The following ZSWIM2 variants were observed in gnomAD, a reference collection of about 807,000 sequenced individuals.
The protein encoded by ZSWIM2 is E3 ubiquitin-protein ligase ZSWIM2.
Under a neutral mutation model 48.4 loss-of-function variants are expected in ZSWIM2, and 38 were observed. That is an observed-to-expected ratio of 0.79 (90% confidence interval 0.61 to 1.03). The LOEUF (loss-of-function observed/expected upper bound fraction) is 1.03. ZSWIM2 is among the 50% of genes least tolerant of loss of function. The pLI is 0.00. For missense variants in ZSWIM2, 776 were observed against 730.2 expected, an observed-to-expected ratio of 1.06 and a Z score of -0.72; for synonymous variants, 240 against 251.3, an observed-to-expected ratio of 0.96 and a Z score of 0.42.
intron 1 of ZSWIM2, 54 bp from the exon 2 acceptor site, chr2:186,847,849 C>A (rs1199285060): frequency 2.3e-6 from 3 of 1,306,442 alleles, no homozygotes; most frequent in South Asian, 1.3e-5. Context: ...AGAGTTAGAG[C>A]AAAACTGAGT....
Position 186,827,558 on chromosome 2 carries a change from T to G in ZSWIM2, c.*426A>C, listed in dbSNP as rs7600876. ...CCTTTATGGAGTTTTTTAAGGTTTT[T>G]TTTTATAGGTTTGTGGTAATTACTA... On this transcript the variant is annotated 3_prime_UTR_variant, in exon 9 of 9. Transcript: ENST00000295131. Among the ~76,000 whole-genome samples, 2,908 of 151,946 alleles carry G rather than the reference T, an allele frequency of 0.019. 89 individuals are homozygous for G. Among genetic ancestry groups the G allele is most frequent in the African/African-American group, 0.066 (2,754 of 41,516 alleles).
At chr2:186,833,778 G>A (rs928341141) in intron 6 of ZSWIM2, among the ~76,000 whole-genome samples, 168 bp downstream of exon 6, 1 of 152,070 alleles carries the variant, frequency 6.6e-6, no homozygotes, top group Non-Finnish European at 1.5e-5. Flanking sequence ...TGGTTGCTTT[G>A]TGCATCCTTA....
chr2:186,828,736 T>C lies in ZSWIM2; in HGVS notation c.1150A>G (p.Ile384Val), dbSNP rs750130639. 32 of 1,606,850 alleles carry C rather than the reference T, an allele frequency of 2.0e-5. No homozygotes were observed. The highest frequency in any genetic ancestry group is 2.3e-5 in the Non-Finnish European group (27 of 1,177,168). Reference protein sequence around the residue: ...WLFHKCNSCPIDGQVIYNPLT... With the variant: ...WLFHKCNSCPVDGQVIYNPLT... ...GGGTTATATATAACTTGTCCATCAATAGGGCATGAATTGCACTTGTGGAAT... is the reference window on the plus strand; with the variant it reads ...GGGTTATATATAACTTGTCCATCAACAGGGCATGAATTGCACTTGTGGAAT... Residue 384 changes from isoleucine to valine, a missense_variant, in exon 9 of 9, where the codon ATT becomes GTT. By Grantham distance (29) the Ile-to-Val change is conservative. Coordinates refer to ENST00000295131, the MANE Select transcript of ZSWIM2 (RefSeq NM_182521.3).
chr2:186,838,791 T>TTA (rs971388931), intron 4 of ZSWIM2, among the ~76,000 whole-genome samples, 168 bp downstream of exon 4: 4 of 146,070 alleles, frequency 2.7e-5, no homozygotes, highest in African/African-American at 1.0e-4. Context: ...ATTATATATA[T>TTA]TATATATATG....
Position 186,833,979 on chromosome 2 carries a change from G to A in ZSWIM2, c.795C>T (p.Cys265=). ...ATGTAAACGTGTGGGAAAGATGGCA[G>A]CAGCTATCAAAACATTCCTGGCATA... ...YHLCQECFDS[C]CHLSHTFTFR... The change falls in exon 6 of 9, where the codon TGC becomes TGT. Residue 265 remains cysteine, a synonymous_variant. Transcript: ENST00000295131. 1.2e-6 allele frequency: 2 copies of A among 1,613,304 alleles called. No homozygotes were observed. The highest frequency in any genetic ancestry group is 1.7e-5 in the Admixed American group (1 of 59,954).
At chr2:186,837,271 A>G (rs756822284) in intron 5 of ZSWIM2, 35 bp downstream of exon 5, 17 of 1,600,770 alleles carry the variant, frequency 1.1e-5, no homozygotes, top group Admixed American at 1.7e-5. Flanking sequence ...AAAATAAAAA[A>G]GAACACATGC....
chr2:186,830,986 C>T (rs1214803565), intron 7 of ZSWIM2, among the ~76,000 whole-genome samples: 1 of 152,056 alleles, frequency 6.6e-6, no homozygotes, highest in Non-Finnish European at 1.5e-5. Flanking sequence ...TACCAGGGTC[C>T]TCTAATTTCA....
Position 186,839,350 on chromosome 2 carries a change from G to A in ZSWIM2, c.284-181C>T, listed in dbSNP as rs535618880. Reference sequence around the variant, plus strand: ...TTCAGAGCCAAAATGTCAGAAAAGAGTCATTTAAAAAAATATAAAAATTAT... The same window carrying A: ...TTCAGAGCCAAAATGTCAGAAAAGAATCATTTAAAAAAATATAAAAATTAT... On this transcript the variant is annotated intron_variant, in intron 3 of 8. Transcript: ENST00000295131. Among the ~76,000 whole-genome samples the A allele has an allele frequency of 2.6e-5, 4 of 151,576 alleles. No individual in the cohort carries two copies. In the East Asian group the frequency reaches 7.7e-4, roughly 29 times the overall value.
intron 4 of ZSWIM2, among the ~76,000 whole-genome samples, 193 bp downstream of exon 4, chr2:186,838,766 T>G (rs1173948278): frequency 6.9e-6 from 1 of 145,946 alleles, no homozygotes; most frequent in African/African-American, 2.5e-5. Context: ...TTGTAATATA[T>G]TATAATATAT....
At position 186,849,161 on chromosome 2, in the gene ZSWIM2, T is replaced by C. The variant is rs559933199; in HGVS notation, c.-31A>G. On this transcript the variant is annotated 5_prime_UTR_variant, in exon 1 of 9. Transcript: ENST00000295131. ...GTGCGGGCGGAGGCGGCCCCTCTGC[T>C]CGGCTCACTGAGGCGCCAGCCGGTC... 3.2e-6 allele frequency: 5 copies of C among 1,584,116 alleles called. No homozygotes were observed. The African/African-American group carries it at 5.4e-5, about 17-fold the overall frequency.
At chr2:186,840,040 G>C (rs1245184527) in intron 3 of ZSWIM2, among the ~76,000 whole-genome samples, 1 of 2,438 alleles carries the variant, frequency 4.1e-4, no homozygotes, top group Non-Finnish European at 1.7e-3. Flanking sequence ...TGTTTTTCTG[G>C]AAAGACCCCC....
rs201343857 is a variant in ZSWIM2, at chr2:186,828,577, T to C, written c.1309A>G (p.Arg437Gly). Residue 437 changes from arginine to glycine, a missense_variant, in exon 9 of 9, where the codon AGA becomes GGA. Transcript: ENST00000295131. ...GGTATGCTAGGTAAAATTCCAAGTC[T>C]ATTTTGTTTTAAGACTAATCCAGTA... ...PGTGLVLKQN[R>G]LGILPSIPQC... The C allele has an allele frequency of 9.6e-5, 155 of 1,612,950 alleles. No homozygotes were observed. Among genetic ancestry groups the C allele is most frequent in the Admixed American group, 2.3e-4 (14 of 59,888 alleles).
intron 8 of ZSWIM2, among the ~76,000 whole-genome samples, chr2:186,829,030 T>C (rs1169301555): frequency 1.3e-5 from 2 of 152,144 alleles, no homozygotes; most frequent in Non-Finnish European, 2.9e-5. Flanking sequence ...GCATTTGTAA[T>C]TTTGTTAAAA....
At chr2:186,848,894 T>C (rs769086259) in intron 1 of ZSWIM2, 72 bp downstream of exon 1, 5 of 1,584,500 alleles carry the variant, frequency 3.2e-6, no homozygotes. Flanking sequence ...GCTACGCACA[T>C]TGGGTATGCC....
At chr2:186,836,787 ATGTTTT>A (rs1295730839) in intron 5 of ZSWIM2, among the ~76,000 whole-genome samples, 1 of 152,102 alleles carries the variant, frequency 6.6e-6, no homozygotes, top group Non-Finnish European at 1.5e-5. Context: ...AATAATTACT[ATGTTTT>A]TGTAGTTGTT....
rs1194372046 is a variant in ZSWIM2 at position 186,837,375 on chromosome 2, C to G, written c.674G>C (p.Arg225Thr). ...SKLVAAAEKE[R>T]LDKHLGIPCN... ...GGGAATCCCAAGGTGTTTGTCCAGTCTCTCTTTTTCTGCTGCAGCTACTAG... is the reference window on the plus strand; with the variant it reads ...GGGAATCCCAAGGTGTTTGTCCAGTGTCTCTTTTTCTGCTGCAGCTACTAG... Residue 225 changes from arginine (R) to threonine (T), a missense_variant, in exon 5 of 9, where the codon AGA becomes ACA. By Grantham distance (71) the Arg-to-Thr change is moderately conservative. Transcript: ENST00000295131. 2 of 1,612,956 alleles carry G rather than the reference C, an allele frequency of 1.2e-6. No individual in the cohort carries two copies. Among genetic ancestry groups the G allele is most frequent in the Non-Finnish European group, 1.7e-6 (2 of 1,179,362 alleles).
In ZSWIM2 at chr2:186,839,136, A is replaced by C. The variant is rs771494798; in HGVS notation, c.317T>G (p.Ile106Arg). ...ATGTATCCCCCGAAGCAAGTCACTT[A>C]TCTCTCTTTCTCCAAGACCCAGTTG... ...ALQLGLGERE[I>R]SDLLRGIHRV... is the part of the protein sequence containing the mutation. The change falls in exon 4 of 9, where the codon ATA (isoleucine) becomes AGA (arginine). Residue 106 changes from isoleucine (I) to arginine (R), a missense_variant. Coordinates refer to ENST00000295131, the MANE Select transcript of ZSWIM2 (RefSeq NM_182521.3). The C allele has an allele frequency of 5.0e-6, 8 of 1,611,438 alleles. No individual in the cohort carries two copies. Among genetic ancestry groups the C allele is most frequent in the African/African-American group, 2.7e-5 (2 of 74,756 alleles).
At chr2:186,837,616 A>G (rs1246002789) in intron 4 of ZSWIM2, 62 bp from the exon 5 acceptor site, 4 of 395,718 alleles carry the variant, frequency 1.0e-5, no homozygotes, top group African/African-American at 2.4e-5. Context: ...TCCATTGTAT[A>G]TATATATATA....
At chr2:186,835,132 T>G (rs1017979389) in intron 5 of ZSWIM2, among the ~76,000 whole-genome samples, 5 of 152,076 alleles carry the variant, frequency 3.3e-5, no homozygotes, top group Non-Finnish European at 5.9e-5. Flanking sequence ...AGAGTTAGAG[T>G]TGGCAGCATA....
Sources: gnomAD v4.1 joint callset for allele counts (sites outside exome capture counted in the v4.1 genomes callset) on GRCh38, gnomAD v4.1.1 for gene constraint, MANE v1.5 for transcripts, NCBI Gene and HGNC (gene_info 2026-07-23, HGNC 2026-07-21) for gene names.